Variants in CNTNAP2 observed in about 807,000 individuals in gnomAD.
The protein encoded by CNTNAP2 is contactin-associated protein-like 2.
In CNTNAP2, 98 loss-of-function variants were observed where a neutral mutation model predicts 155.2. The observed-to-expected ratio is 0.63, with a 90% confidence interval of 0.54 to 0.75. CNTNAP2 has a LOEUF of 0.75. Among genes scored for constraint, CNTNAP2 ranks in the 30% least tolerant of loss-of-function variants. The pLI, the probability that CNTNAP2 is intolerant of heterozygous loss-of-function variation, is 0.00. For missense variants in CNTNAP2, 1,727 were observed against 1,688.1 expected (o/e 1.02, Z -0.40); for synonymous variants, 651 against 631.2 (o/e 1.03, Z -0.47).
chr7:147,348,857 C>A (rs1795923092), intron 9 of CNTNAP2, among the ~76,000 whole-genome samples: 2 of 151,970 alleles, frequency 1.3e-5, no homozygotes, highest in African/African-American at 4.8e-5. Context: ...ATGTATGGAA[C>A]TGGAAGACAC....
intron 4 of CNTNAP2, among the ~76,000 whole-genome samples, chr7:147,075,748 A>G (rs1472543157): frequency 2.0e-5 from 3 of 152,038 alleles, no homozygotes; most frequent in Non-Finnish European, 2.9e-5. Context: ...GGTCATTTAC[A>G]TTAGGTATAT....
intron 13 of CNTNAP2, 121 bp from the exon 14 acceptor site, chr7:147,903,444 T>C: frequency 9.1e-7 from 1 of 1,093,008 alleles, no homozygotes; most frequent in African/African-American, 1.6e-5. Context: ...TAAATTGACT[T>C]TTAAGAGGGT....
intron 20 of CNTNAP2, among the ~76,000 whole-genome samples, chr7:148,259,179 TAAAAAAA>T (rs34229180): frequency 4.2e-4 from 10 of 24,026 alleles, no homozygotes; most frequent in Non-Finnish European, 4.7e-4. Flanking sequence ...AACTCCGTCT[TAAAAAAA>T]AAAAAAAAAA....
intron 1 of CNTNAP2, among the ~76,000 whole-genome samples, chr7:146,295,148 C>T (rs1460986634): frequency 1.3e-5 from 2 of 152,068 alleles, no homozygotes; most frequent in South Asian, 2.1e-4. Flanking sequence ...TACATTTTAG[C>T]CAACTATGGA....
chr7:147,384,376 G>A (rs1796593216), intron 9 of CNTNAP2, among the ~76,000 whole-genome samples: 1 of 152,150 alleles, frequency 6.6e-6, no homozygotes, highest in Non-Finnish European at 1.5e-5. Flanking sequence ...CTCTAAGTGG[G>A]TGAATGTATC....
chr7:146,958,187 C>A (rs561079842), intron 3 of CNTNAP2, among the ~76,000 whole-genome samples: 14 of 151,956 alleles, frequency 9.2e-5, no homozygotes, highest in African/African-American at 3.4e-4. Context: ...GCTGCCTTTA[C>A]GTGACATAGG....
At chr7:146,825,479 G>T (rs1210834555) in intron 2 of CNTNAP2, among the ~76,000 whole-genome samples, 9 of 152,060 alleles carry the variant, frequency 5.9e-5, no homozygotes, top group Non-Finnish European at 1.2e-4. Flanking sequence ...ACTCATAAAA[G>T]GCATTTGAGT....
chr7:148,068,967 C>T (rs73168580), intron 15 of CNTNAP2, among the ~76,000 whole-genome samples: 139 of 152,350 alleles, frequency 9.1e-4, no homozygotes, highest in Non-Finnish European at 1.5e-3. Flanking sequence ...AGACTACCAA[C>T]TCTGTCTCCT....
At chr7:147,913,648 A>C (rs1284344254) in intron 14 of CNTNAP2, among the ~76,000 whole-genome samples, 1 of 152,364 alleles carries the variant, frequency 6.6e-6, no homozygotes, top group East Asian at 1.9e-4. Flanking sequence ...ACGAGACAGA[A>C]GGTACTGCAC....
At chr7:146,974,377 G>A (rs1797864448) in intron 3 of CNTNAP2, among the ~76,000 whole-genome samples, 1 of 151,920 alleles carries the variant, frequency 6.6e-6, no homozygotes, top group Non-Finnish European at 1.5e-5. Flanking sequence ...AGAGGAGGTT[G>A]CAGTGAGCCG....
At chr7:147,581,733 G>C (rs948034444) in intron 12 of CNTNAP2, among the ~76,000 whole-genome samples, 1 of 152,122 alleles carries the variant, frequency 6.6e-6, no homozygotes, top group Non-Finnish European at 1.5e-5. Context: ...GTAACAACAT[G>C]TACTCGGTTT....
At chr7:148,177,106 C>T (rs1286887111) in intron 18 of CNTNAP2, among the ~76,000 whole-genome samples, 1 of 152,178 alleles carries the variant, frequency 6.6e-6, no homozygotes, top group Non-Finnish European at 1.5e-5. Context: ...ATAGTAGAGG[C>T]AGCAATTTCT....
intron 1 of CNTNAP2, among the ~76,000 whole-genome samples, chr7:146,460,542 A>G (rs534565476): frequency 3.0e-4 from 46 of 152,324 alleles, no homozygotes; most frequent in African/African-American, 1.0e-3. Context: ...CTATTGACTG[A>G]TAAATGGATA....
intron 12 of CNTNAP2, among the ~76,000 whole-genome samples, chr7:147,572,822 G>A (rs12703950): frequency 0.22 from 33,880 of 151,704 alleles, 4,539 homozygotes; most frequent in South Asian, 0.3. Context: ...TTTTTAACTA[G>A]GAATTTCTCT....
At chr7:148,135,266 G>A (rs1804912324) in intron 16 of CNTNAP2, among the ~76,000 whole-genome samples, 1 of 152,086 alleles carries the variant, frequency 6.6e-6, no homozygotes, top group Non-Finnish European at 1.5e-5. Context: ...CCTCCTACAT[G>A]GGGCATGATT....
At chr7:146,245,736 G>C (rs758008145) in intron 1 of CNTNAP2, among the ~76,000 whole-genome samples, 1 of 152,130 alleles carries the variant, frequency 6.6e-6, no homozygotes, top group African/African-American at 2.4e-5. Context: ...AGTAATGGGG[G>C]CTGTCTGTGA....
At chr7:146,590,118 C>A (rs2129149302) in intron 1 of CNTNAP2, among the ~76,000 whole-genome samples, 2 of 152,234 alleles carry the variant, frequency 1.3e-5, no homozygotes, top group East Asian at 3.9e-4. Flanking sequence ...TTTGTTCCCA[C>A]CACATTGACT....
At chr7:148,381,684 A>G (rs1799061665) in intron 21 of CNTNAP2, 1 of 152,234 alleles carries the variant, frequency 6.6e-6, no homozygotes, top group African/African-American at 2.4e-5. Context: ...GAAAACAGGG[A>G]TGTAAGTTCT....
At chr7:147,588,455 C>T (rs1299091637) in intron 12 of CNTNAP2, among the ~76,000 whole-genome samples, 1 of 152,148 alleles carries the variant, frequency 6.6e-6, no homozygotes, top group East Asian at 1.9e-4. Flanking sequence ...AATTTATCAA[C>T]AGAAGCACTC....
Sources: allele counts gnomAD v4.1 joint callset (sites outside exome capture counted in the v4.1 genomes callset), GRCh38; gene constraint gnomAD v4.1.1; transcripts MANE v1.5; gene names NCBI Gene and HGNC (gene_info 2026-07-23, HGNC 2026-07-21).